MIS18BP1: variants seen among roughly 807,000 people sequenced by gnomAD.
MIS18BP1 encodes the protein mis18-binding protein 1.
In MIS18BP1, 72 loss-of-function variants were observed where a neutral mutation model predicts 116.1. The ratio of observed to expected loss-of-function variants is 0.62; its 90% CI spans 0.51 to 0.75. The LOEUF (loss-of-function observed/expected upper bound fraction) is 0.75. Ranked by LOEUF, MIS18BP1 falls within the 30% of genes least tolerant of loss-of-function variation. MIS18BP1 has a pLI of 0.00. For synonymous variants in MIS18BP1, 386 were observed against 427.0 expected, an observed-to-expected ratio of 0.90 and a Z score of 1.18; for missense variants, 1,363 against 1,303.2, an observed-to-expected ratio of 1.05 and a Z score of -0.71.
chr14:45,226,736 A>C lies in MIS18BP1; in HGVS notation c.1840+7T>G. ...TTATGATTAAAAAACCATTAAAGAT[A>C]TATTACCTTGCTTCTGACTTTTTAT... On this transcript the variant is annotated splice_region_variant and intron_variant, in intron 10 of 16. Coordinates refer to ENST00000310806, the MANE Select transcript of MIS18BP1 (RefSeq NM_018353.5). 1.5e-6 allele frequency: 2 copies of C among 1,374,662 alleles called. No individual in the cohort carries two copies. Among genetic ancestry groups the C allele is most frequent in the Non-Finnish European group, 1.9e-6 (2 of 1,040,860 alleles). The allele number at this position is 1,374,662 out of a possible 1,614,324, so 85.2% of individuals were successfully genotyped here.
At chr14:45,230,341 AAGAG>A (rs1172154413) in intron 8 of MIS18BP1, among the ~76,000 whole-genome samples, 2 of 152,222 alleles carry the variant, frequency 1.3e-5, no homozygotes, top group Non-Finnish European at 2.9e-5. Flanking sequence ...CTTATTAAAA[AAGAG>A]AGAGGAAAAA....
chr14:45,215,174 C>T (rs1205552672), intron 13 of MIS18BP1, among the ~76,000 whole-genome samples: 1 of 152,204 alleles, frequency 6.6e-6, no homozygotes, highest in Non-Finnish European at 1.5e-5. Flanking sequence ...AAAACATTGT[C>T]AGGGCCTCTG....
At chr14:45,227,455 G>A (rs966828362) in intron 9 of MIS18BP1, among the ~76,000 whole-genome samples, 32 of 150,684 alleles carry the variant, frequency 2.1e-4, no homozygotes, top group African/African-American at 7.6e-4. Context: ...TGAGGCAGGA[G>A]AATCACTTGA....
chr14:45,223,831 C>T (rs770351853), intron 11 of MIS18BP1, 87 bp downstream of exon 11: 43 of 949,652 alleles, frequency 4.5e-5, no homozygotes, highest in Non-Finnish European at 5.5e-5. Flanking sequence ...TGACATCTTC[C>T]ATGTTAACCC....
intron 6 of MIS18BP1, among the ~76,000 whole-genome samples, chr14:45,235,529 G>T (rs1182903810): frequency 1.3e-5 from 2 of 148,332 alleles, no homozygotes; most frequent in African/African-American, 5.0e-5. Flanking sequence ...GATGGAGGTT[G>T]CAGTGAGCCG....
intron 4 of MIS18BP1, among the ~76,000 whole-genome samples, chr14:45,240,154 T>G (rs1566819244): frequency 6.6e-6 from 1 of 151,812 alleles, no homozygotes; most frequent in Non-Finnish European, 1.5e-5. Context: ...ACTATGACAC[T>G]GGAAATACAG....
At chr14:45,243,133 G>A (rs2139239240) in intron 2 of MIS18BP1, among the ~76,000 whole-genome samples, 1 of 152,228 alleles carries the variant, frequency 6.6e-6, no homozygotes, top group East Asian at 1.9e-4. Flanking sequence ...CAACCCGCCA[G>A]CTCTAGACAA....
At chr14:45,235,068 C>T (rs2139215430) in intron 6 of MIS18BP1, among the ~76,000 whole-genome samples, 1 of 152,070 alleles carries the variant, frequency 6.6e-6, no homozygotes, top group South Asian at 2.1e-4. Flanking sequence ...CAGCTGTGCA[C>T]TGTGGCACAC....
At position 45,234,639 on chromosome 14, in the gene MIS18BP1, T is replaced by C. The variant is rs993953113; in HGVS notation, c.1348+1175A>G. On this transcript the variant is annotated intron_variant, in intron 6 of 16. Transcript: ENST00000310806. Reference sequence around the variant, plus strand: ...AAATATGAAGGAGTCATCAGGAAGGTTGGGAGAGTGAATGAATTAGGGAAA... The same window carrying C: ...AAATATGAAGGAGTCATCAGGAAGGCTGGGAGAGTGAATGAATTAGGGAAA... 2.6e-5 allele frequency among the ~76,000 whole-genome samples: 4 copies of C among 152,002 alleles called. 1 individual carries two copies. The highest frequency in any genetic ancestry group is 4.2e-4 in the South Asian group (2 of 4,812).
Position 45,217,187 on chromosome 14 carries a change from G to A in MIS18BP1, c.2843-8C>T, listed in dbSNP as rs1299523502. ...CAGCATCACCTCTCTTGCCTTAAGA[G>A]TCAGCAAACCATTTTGATAAGGATT... On this transcript the variant is annotated splice_polypyrimidine_tract_variant and splice_region_variant and intron_variant, in intron 12 of 16. Transcript: ENST00000310806. 1.9e-6 allele frequency: 3 copies of A among 1,611,826 alleles called. No homozygotes were observed. Among genetic ancestry groups the A allele is most frequent in the Admixed American group, 1.7e-5 (1 of 59,580 alleles).
intron 11 of MIS18BP1, among the ~76,000 whole-genome samples, chr14:45,219,094 TAA>T (rs1890902777): frequency 6.6e-6 from 1 of 152,194 alleles, no homozygotes; most frequent in Non-Finnish European, 1.5e-5. Flanking sequence ...ACTCTCCCCA[TAA>T]AGATTTCATG....
At position 45,242,200 on chromosome 14, in the gene MIS18BP1, A is replaced by G. The variant is rs1891596521; in HGVS notation, c.977T>C (p.Val326Ala). Reference protein sequence around the residue: ...QKVKEGNGKTVPGETGLPGSM... With the variant: ...QKVKEGNGKTAPGETGLPGSM... ...ACCTGGAAGACCTGTCTCTCCAGGC[A>G]CTGTTTTTCCATTTCCTTCCTTAAC... The change falls in exon 4 of 17, where the codon GTG becomes GCG. Residue 326 changes from valine to alanine, a missense_variant. Physicochemically the swap from Val to Ala is moderately conservative, Grantham distance 64. Coordinates refer to ENST00000310806, the MANE Select transcript of MIS18BP1 (RefSeq NM_018353.5). 1 of 1,614,086 alleles carries G rather than the reference A, an allele frequency of 6.2e-7. No individual in the cohort carries two copies. The highest frequency in any genetic ancestry group is 1.7e-5 in the Admixed American group (1 of 60,016).
At chr14:45,233,686 G>A (rs1253916007) in intron 6 of MIS18BP1, among the ~76,000 whole-genome samples, 1 of 152,176 alleles carries the variant, frequency 6.6e-6, no homozygotes, top group Non-Finnish European at 1.5e-5. Flanking sequence ...ACTGATGTGG[G>A]TATGAGAGAA....
At chr14:45,220,713 A>G (rs774014487) in intron 11 of MIS18BP1, among the ~76,000 whole-genome samples, 4 of 152,122 alleles carry the variant, frequency 2.6e-5, no homozygotes, top group Non-Finnish European at 5.9e-5. Flanking sequence ...AATGCACCCT[A>G]ATTTGTTTAT....
intron 5 of MIS18BP1, among the ~76,000 whole-genome samples, chr14:45,236,680 CT>C (rs1458563245): frequency 6.6e-6 from 1 of 152,158 alleles, no homozygotes; most frequent in Non-Finnish European, 1.5e-5. Context: ...CTTCAATTCT[CT>C]TTTGCTTTAT....
intron 2 of MIS18BP1, among the ~76,000 whole-genome samples, chr14:45,244,470 T>A (rs1891673345): frequency 6.6e-6 from 1 of 152,170 alleles, no homozygotes; most frequent in African/African-American, 2.4e-5. Context: ...TTAATCAGCT[T>A]AAATTTCATT....
chr14:45,242,245 T>G lies in MIS18BP1; in HGVS notation c.932A>C (p.Glu311Ala). ...CTTAACTTTCTGTTGCGAAGTCCCT[T>G]CTGTTGTCCTCTCACTATCAGAAAC... is the stretch of plus-strand genomic sequence containing the variant. Reference protein sequence around the residue: ...LMVSDSERTTEGTSQQKVKEG... With the variant: ...LMVSDSERTTAGTSQQKVKEG... Residue 311 changes from glutamate (E) to alanine (A), a missense_variant, in exon 4 of 17, where the codon GAA becomes GCA. Glu to Ala is a moderately radical substitution (Grantham distance 107). Coordinates refer to ENST00000310806, the MANE Select transcript of MIS18BP1 (RefSeq NM_018353.5). 6.2e-7 allele frequency: 1 copy of G among 1,614,140 alleles called. No homozygotes were observed. Among genetic ancestry groups the G allele is most frequent in the East Asian group, 2.2e-5 (1 of 44,870 alleles).
intron 11 of MIS18BP1, among the ~76,000 whole-genome samples, chr14:45,218,821 C>G (rs1890894746): frequency 6.8e-6 from 1 of 147,244 alleles, no homozygotes; most frequent in Admixed American, 6.9e-5. Context: ...TACCTTAAAT[C>G]TTATTGGTGC....
At chr14:45,242,579 A>C (rs544204911) in intron 3 of MIS18BP1, 61 bp from the exon 4 acceptor site, 1 of 1,518,848 alleles carries the variant, frequency 6.6e-7, no homozygotes, top group Non-Finnish European at 8.8e-7. Flanking sequence ...AGGAAATTAA[A>C]AGAGATAAAT....
Sources: gnomAD v4.1 joint callset for allele counts (sites outside exome capture counted in the v4.1 genomes callset) on GRCh38, gnomAD v4.1.1 for gene constraint, MANE v1.5 for transcripts, NCBI Gene and HGNC (gene_info 2026-07-23, HGNC 2026-07-21) for gene names.